MROH1: variants seen among roughly 807,000 people sequenced by gnomAD.
The protein encoded by MROH1 is maestro heat-like repeat-containing protein family member 1.
In MROH1, 117 loss-of-function variants were observed where a neutral mutation model predicts 116.5. That is an observed-to-expected ratio of 1.00 (90% confidence interval 0.86 to 1.17). The LOEUF (loss-of-function observed/expected upper bound fraction) is 1.17. MROH1 is among the 50% of genes most tolerant of loss of function. The pLI is 0.00. For missense variants in MROH1, 1,873 were observed against 1,338.5 expected, an observed-to-expected ratio of 1.40 and a Z score of -6.23; for synonymous variants, 921 against 583.9, an observed-to-expected ratio of 1.58 and a Z score of -8.32.
chr8:144,176,093 C>T (rs761647834), intron 4 of MROH1, among the ~76,000 whole-genome samples: 3 of 149,626 alleles, frequency 2.0e-5, no homozygotes, highest in Admixed American at 6.7e-5. Context: ...CTGGGTGCAG[C>T]GGCTCATGCC....
At chr8:144,210,905 T>C (rs567430806) in intron 12 of MROH1, among the ~76,000 whole-genome samples, 33 of 152,282 alleles carry the variant, frequency 2.2e-4, no homozygotes, top group East Asian at 7.7e-4. Context: ...ACATTCTCAT[T>C]GTCAGGCAAC....
intron 14 of MROH1, among the ~76,000 whole-genome samples, chr8:144,226,933 A>C (rs943661636): frequency 2.0e-5 from 3 of 152,124 alleles, no homozygotes; most frequent in Non-Finnish European, 4.4e-5. Flanking sequence ...TAGATCTTCG[A>C]TTTTGTTCAC....
At chr8:144,169,206 G>A (rs182311198) in intron 4 of MROH1, among the ~76,000 whole-genome samples, 77 of 152,304 alleles carry the variant, frequency 5.1e-4, no homozygotes, top group African/African-American at 1.8e-3. Flanking sequence ...AGAGGCTTTT[G>A]CAGTATCAAA....
chr8:144,242,347 G>A (rs927324310), intron 22 of MROH1, 22 bp from the exon 23 acceptor site: 47 of 780,528 alleles, frequency 6.0e-5, no homozygotes, highest in Non-Finnish European at 8.9e-5. Flanking sequence ...CTGAAGTCCC[G>A]CTGGTTCCTC....
chr8:144,164,536 C>G (rs1820328842), intron 3 of MROH1, among the ~76,000 whole-genome samples: 1 of 152,016 alleles, frequency 6.6e-6, no homozygotes, highest in Non-Finnish European at 1.5e-5. Context: ...TCCCAAGTAG[C>G]TGGGCCTACA....
chr8:144,192,412 G>T lies in MROH1; in HGVS notation c.948+11G>T. On this transcript the variant is annotated intron_variant, in intron 10 of 43. Coordinates refer to ENST00000326134, the MANE Select transcript of MROH1 (RefSeq NM_032450.3). ...GCACTGCACTCCCAGGTAGGAGGCG[G>T]GCGTCAGGGGGCGGGTCCAGGTTCT... is the stretch of plus-strand genomic sequence containing the variant. 6.4e-7 allele frequency: 1 copy of T among 1,569,876 alleles called. No homozygotes were observed.
intron 4 of MROH1, 42 bp downstream of exon 4, chr8:144,168,482 G>A (rs1237758303): frequency 6.4e-7 from 1 of 1,562,386 alleles, no homozygotes; most frequent in South Asian, 1.2e-5. Flanking sequence ...TCAGGGCCAT[G>A]GTCGGTTGGG....
At chr8:144,149,495 G>A (rs1013607830) in intron 1 of MROH1, among the ~76,000 whole-genome samples, 2 of 152,130 alleles carry the variant, frequency 1.3e-5, no homozygotes, top group Non-Finnish European at 2.9e-5. Context: ...GCCTGAGTTC[G>A]TGGCTGTCTC....
intron 10 of MROH1, among the ~76,000 whole-genome samples, chr8:144,197,160 CA>C (rs2131721599): frequency 6.6e-6 from 1 of 152,278 alleles, no homozygotes; most frequent in East Asian, 1.9e-4. Context: ...GAGAGCAGCT[CA>C]GGGGGTCGCT....
Position 144,258,786 on chromosome 8 carries a change from G to A in MROH1, c.3801G>A (p.Val1267=). The part of the protein sequence containing the change: ...TRNLEPCSSA[V]DTLRSMLLRS... ...CCTGGCAATCCTGCAGCTCTGCAGT[G>A]GACACCCTGCGGTCCATGCTACTCC... Residue 1267 remains valine, a synonymous_variant, in exon 36 of 44, where the codon GTG becomes GTA. Transcript: ENST00000326134. 1 of 767,804 alleles carries A rather than the reference G, an allele frequency of 1.3e-6. No individual in the cohort carries two copies. Among genetic ancestry groups the A allele is most frequent in the Non-Finnish European group, 2.4e-6 (1 of 413,906 alleles). The allele number at this position is 767,804 out of a possible 1,614,324, so 47.6% of individuals were successfully genotyped here.
chr8:144,198,117 G>C (rs988411433), intron 10 of MROH1, among the ~76,000 whole-genome samples: 1 of 152,106 alleles, frequency 6.6e-6, no homozygotes, highest in Non-Finnish European at 1.5e-5. Flanking sequence ...CCGAGCCCTG[G>C]GGCCAGCTCC....
At chr8:144,178,859 G>T (rs1478968144) in intron 4 of MROH1, among the ~76,000 whole-genome samples, 1 of 152,212 alleles carries the variant, frequency 6.6e-6, no homozygotes, top group African/African-American at 2.4e-5. Flanking sequence ...AGGACAGTGT[G>T]TGCTCTTTGG....
At chr8:144,218,351 C>A (rs1835735810) in intron 12 of MROH1, among the ~76,000 whole-genome samples, 1 of 152,090 alleles carries the variant, frequency 6.6e-6, no homozygotes, top group African/African-American at 2.4e-5. Context: ...TCTACCTGTT[C>A]CAGCATCCTT....
At chr8:144,212,314 G>A (rs1352290405) in intron 12 of MROH1, among the ~76,000 whole-genome samples, 3 of 151,908 alleles carry the variant, frequency 2.0e-5, no homozygotes, top group African/African-American at 7.3e-5. Flanking sequence ...TGGATTCCTG[G>A]GCTCAAGTGA....
chr8:144,258,763 T>C lies in MROH1; in HGVS notation c.3792-14T>C, dbSNP rs2129934618. On this transcript the variant is annotated splice_polypyrimidine_tract_variant and intron_variant, in intron 35 of 43. Transcript: ENST00000326134. Reference sequence around the variant, plus strand: ...TGTGTGCCCTACCAGCTGAGCACCCTGGCAATCCTGCAGCTCTGCAGTGGA... The same window carrying C: ...TGTGTGCCCTACCAGCTGAGCACCCCGGCAATCCTGCAGCTCTGCAGTGGA... The C allele has an allele frequency of 1.3e-6, 1 of 763,320 alleles. No homozygotes were observed. The highest frequency in any genetic ancestry group is 2.5e-5 in the East Asian group (1 of 40,554). The allele number at this position is 763,320 out of a possible 1,614,324, so 47.3% of individuals were successfully genotyped here.
intron 12 of MROH1, chr8:144,201,288 T>G (rs1434076519): frequency 6.6e-6 from 1 of 152,172 alleles, no homozygotes; most frequent in Non-Finnish European, 1.5e-5. Context: ...CTCAATCTCC[T>G]GACCTCCTGA....
chr8:144,205,622 T>A (rs909375282), intron 12 of MROH1, among the ~76,000 whole-genome samples: 3 of 152,072 alleles, frequency 2.0e-5, no homozygotes, highest in Admixed American at 1.3e-4. Flanking sequence ...CTGAGTTGAT[T>A]TCCCCCCCAG....
chr8:144,235,159 G>C (rs1839841366), intron 14 of MROH1, among the ~76,000 whole-genome samples: 2 of 152,218 alleles, frequency 1.3e-5, no homozygotes, highest in Admixed American at 1.3e-4. Context: ...GCCTCCCAAA[G>C]TGCAAGGATT....
intron 11 of MROH1, among the ~76,000 whole-genome samples, chr8:144,199,758 C>A (rs556784258): frequency 6.6e-6 from 1 of 151,990 alleles, no homozygotes; most frequent in Non-Finnish European, 1.5e-5. Context: ...CAACATCTCC[C>A]TGGAGCTGGT....
Sources: allele counts gnomAD v4.1 joint callset (sites outside exome capture counted in the v4.1 genomes callset), GRCh38; gene constraint gnomAD v4.1.1; transcripts MANE v1.5; gene names NCBI Gene and HGNC (gene_info 2026-07-23, HGNC 2026-07-21).